The following CCDC171 variants were observed in gnomAD, a reference collection of about 807,000 sequenced individuals.
CCDC171 encodes the protein coiled-coil domain-containing protein 171.
Under a neutral mutation model 168.2 loss-of-function variants are expected in CCDC171, and 177 were observed. The ratio of observed to expected loss-of-function variants is 1.05; its 90% CI spans 0.93 to 1.19. CCDC171 has a LOEUF of 1.19. CCDC171 is among the 50% of genes most tolerant of loss of function. The pLI, the probability that CCDC171 is intolerant of heterozygous loss-of-function variation, is 0.00. For synonymous variants in CCDC171, 687 were observed against 540.8 expected (o/e 1.27, Z -3.75); for missense variants, 1,991 against 1,539.0 (o/e 1.29, Z -4.91).
intron 24 of CCDC171, among the ~76,000 whole-genome samples, chr9:15,904,571 C>G (rs897964409): frequency 6.6e-6 from 1 of 152,096 alleles, no homozygotes; most frequent in Admixed American, 6.5e-5. Context: ...CAAAAACATG[C>G]CAAATTGTAA....
chr9:15,814,605 T>C (rs977769750), intron 21 of CCDC171, among the ~76,000 whole-genome samples: 1 of 145,656 alleles, frequency 6.9e-6, no homozygotes, highest in Non-Finnish European at 1.5e-5. Flanking sequence ...AGTTTTTCTT[T>C]TTTTTCTGAG....
chr9:15,846,262 T>C (rs911653169), intron 21 of CCDC171, among the ~76,000 whole-genome samples: 1 of 152,106 alleles, frequency 6.6e-6, no homozygotes, highest in Non-Finnish European at 1.5e-5. Flanking sequence ...CTTATAGATA[T>C]CCTGGTCTAT....
intron 24 of CCDC171, among the ~76,000 whole-genome samples, chr9:15,908,674 G>A (rs1047952098): frequency 4.0e-4 from 60 of 151,274 alleles, no homozygotes; most frequent in African/African-American, 1.4e-3. Flanking sequence ...AAATATCTGA[G>A]ACTGGATAAT....
intron 21 of CCDC171, among the ~76,000 whole-genome samples, chr9:15,823,578 A>G (rs1293616198): frequency 3.9e-5 from 6 of 152,236 alleles, no homozygotes; most frequent in East Asian, 1.9e-4. Context: ...TATTGCTTAC[A>G]TTGTATAAAC....
At chr9:16,107,962 A>T in the CCDC171 span, among the ~76,000 whole-genome samples, 1 of 152,236 alleles carries the variant, frequency 6.6e-6, no homozygotes, top group African/African-American at 2.4e-5. Context: ...TGAAAGCTTT[A>T]TTTCAATATA....
intron 8 of CCDC171, among the ~76,000 whole-genome samples, chr9:15,662,979 TCAACAACAA>T (rs139672521): frequency 0.013 from 1,992 of 150,196 alleles, 34 homozygotes; most frequent in African/African-American, 0.038. Context: ...AGACTTCGTC[TCAACAACAA>T]CAACAACAAC....
intron 4 of CCDC171, among the ~76,000 whole-genome samples, chr9:15,584,785 C>T (rs1189746098): frequency 2.0e-5 from 3 of 152,054 alleles, no homozygotes; most frequent in Non-Finnish European, 4.4e-5. Flanking sequence ...CCAGTAATTA[C>T]CTTTGGTGTT....
chr9:15,686,835 G>A (rs1179920908), intron 10 of CCDC171, among the ~76,000 whole-genome samples: 1 of 152,178 alleles, frequency 6.6e-6, no homozygotes, highest in Non-Finnish European at 1.5e-5. Flanking sequence ...CCCACTTGCA[G>A]TAATGGGTAG....
At chr9:15,882,779 C>T in intron 24 of CCDC171, among the ~76,000 whole-genome samples, 1 of 151,550 alleles carries the variant, frequency 6.6e-6, no homozygotes, top group Non-Finnish European at 1.5e-5. Flanking sequence ...TTCGTATTAT[C>T]CCATAAGTCT....
intron 24 of CCDC171, chr9:15,875,108 A>C (rs538742053): frequency 6.6e-6 from 1 of 152,304 alleles, no homozygotes; most frequent in South Asian, 2.1e-4. Context: ...TATTAATTCC[A>C]AAATATATCC....
intron 11 of CCDC171, among the ~76,000 whole-genome samples, chr9:15,712,045 T>C (rs543912646): frequency 5.9e-5 from 9 of 152,194 alleles, no homozygotes; most frequent in Non-Finnish European, 1.0e-4. Flanking sequence ...TGATGTAAGC[T>C]CTGGCAGGAG....
At chr9:15,821,773 C>G (rs190553378) in intron 21 of CCDC171, among the ~76,000 whole-genome samples, 6,237 of 115,074 alleles carry the variant, frequency 0.054, 1,851 homozygotes, top group African/African-American at 0.2. Context: ...GTAATTTATA[C>G]ATTCAATGCC....
chr9:15,603,455 C>T (rs1243962984), intron 6 of CCDC171, among the ~76,000 whole-genome samples: 2 of 152,142 alleles, frequency 1.3e-5, no homozygotes, highest in Non-Finnish European at 2.9e-5. Context: ...CTCCCTGTGT[C>T]CATGTGTTCT....
At position 15,733,888 on chromosome 9, in the gene CCDC171, C is replaced by T. The variant is rs372233153; in HGVS notation, c.2049+4090C>T. Among the ~76,000 whole-genome samples, 56 of 152,280 alleles carry T rather than the reference C, an allele frequency of 3.7e-4. 1 individual carries two copies. In the South Asian group the frequency reaches 0.012, roughly 32 times the overall value. ...TGCTCAAGTGGTCCCCCACCTCAGCCTCCCAAGTAGCTGGGACTGTAGGCA... is the reference window on the plus strand; with the variant it reads ...TGCTCAAGTGGTCCCCCACCTCAGCTTCCCAAGTAGCTGGGACTGTAGGCA... On this transcript the variant is annotated intron_variant, in intron 16 of 25. Transcript: ENST00000380701.
At chr9:16,086,311 ATT>A in the CCDC171 span, among the ~76,000 whole-genome samples, 59 of 141,410 alleles carry the variant, frequency 4.2e-4, no homozygotes, top group African/African-American at 9.3e-4. Flanking sequence ...CCCCTTTATC[ATT>A]TTTTTTTTTT....
At chr9:15,651,917 A>AT (rs1368381062) in intron 7 of CCDC171, among the ~76,000 whole-genome samples, 8 of 151,722 alleles carry the variant, frequency 5.3e-5, no homozygotes, top group South Asian at 2.1e-4. Flanking sequence ...AGATTTTTGG[A>AT]TTTTTTTTGA....
intron 24 of CCDC171, among the ~76,000 whole-genome samples, chr9:15,911,565 T>A (rs1220513345): frequency 1.3e-5 from 2 of 152,240 alleles, no homozygotes; most frequent in Non-Finnish European, 2.9e-5. Context: ...ACCCCATTTG[T>A]CAATTCTGGC....
chr9:15,823,043 G>A (rs1028297731), intron 21 of CCDC171, among the ~76,000 whole-genome samples: 4 of 152,128 alleles, frequency 2.6e-5, no homozygotes, highest in African/African-American at 9.7e-5. Context: ...TAGGGACATG[G>A]ATGAAGCTGG....
At chr9:15,908,334 G>A (rs1336181869) in intron 24 of CCDC171, among the ~76,000 whole-genome samples, 2 of 152,104 alleles carry the variant, frequency 1.3e-5, no homozygotes, top group African/African-American at 2.4e-5. Flanking sequence ...CATAAAAAAT[G>A]ATGAGTTCAT....
Sources: allele counts gnomAD v4.1 joint callset (sites outside exome capture counted in the v4.1 genomes callset), GRCh38; gene constraint gnomAD v4.1.1; transcripts MANE v1.5; gene names NCBI Gene and HGNC (gene_info 2026-07-23, HGNC 2026-07-21).